The following GPR149 variants were observed in gnomAD, a reference collection of about 807,000 sequenced individuals.
GPR149 encodes the protein probable G protein-coupled receptor 149.
A neutral mutation model predicts 50.2 loss-of-function variants in GPR149; 50 were observed. The observed-to-expected ratio is 1.00, with a 90% confidence interval of 0.79 to 1.26. The LOEUF (loss-of-function observed/expected upper bound fraction) is 1.26, where lower values mean the gene tolerates loss of function less well. Ranked by LOEUF, GPR149 falls within the 50% of genes most tolerant of loss-of-function variation. GPR149 has a pLI of 0.00. For missense variants in GPR149, 983 were observed against 895.4 expected (o/e 1.10, Z -1.25); for synonymous variants, 405 against 358.2 (o/e 1.13, Z -1.48).
chr3:154,400,112 G>C (rs973319288), intron 3 of GPR149, among the ~76,000 whole-genome samples: 1 of 151,788 alleles, frequency 6.6e-6, no homozygotes, highest in Non-Finnish European at 1.5e-5. Flanking sequence ...TCAGCCTCCC[G>C]AGTAGCTGGG....
intron 3 of GPR149, among the ~76,000 whole-genome samples, chr3:154,345,431 G>T (rs1401097209): frequency 6.6e-6 from 1 of 152,156 alleles, no homozygotes; most frequent in Non-Finnish European, 1.5e-5. Flanking sequence ...GATTCCTTTT[G>T]TAATCTCTGC....
intron 3 of GPR149, among the ~76,000 whole-genome samples, chr3:154,356,866 A>G (rs933170354): frequency 6.6e-6 from 1 of 152,302 alleles, no homozygotes; most frequent in East Asian, 1.9e-4. Context: ...AAGGGCCCGC[A>G]TCGCCAAGTC....
chr3:154,425,989 T>A (rs1166013167), intron 2 of GPR149, among the ~76,000 whole-genome samples: 1 of 152,118 alleles, frequency 6.6e-6, no homozygotes. Flanking sequence ...CTTCTCACAA[T>A]TTTAGATGTT....
At chr3:154,358,380 T>C (rs958152761) in intron 3 of GPR149, among the ~76,000 whole-genome samples, 5 of 152,176 alleles carry the variant, frequency 3.3e-5, no homozygotes, top group Non-Finnish European at 5.9e-5. Flanking sequence ...ATTCTATGGC[T>C]ATTTTGGCAA....
At position 154,423,896 on chromosome 3, in the gene GPR149, C is replaced by T. The variant is rs145976054; in HGVS notation, c.1175-2409G>A. On this transcript the variant is annotated intron_variant, in intron 2 of 3. Coordinates refer to ENST00000389740, the MANE Select transcript of GPR149 (RefSeq NM_001038705.3). ...TAAGTTCTAGGGTACATGTGCACAACGTGCAGATTTGTTACATATGTATAC... is the reference window on the plus strand; with the variant it reads ...TAAGTTCTAGGGTACATGTGCACAATGTGCAGATTTGTTACATATGTATAC... Among the ~76,000 whole-genome samples the T allele has an allele frequency of 1.0e-2, 1,515 of 151,654 alleles. 13 individuals carry two copies. The highest frequency in any genetic ancestry group is 0.03 in the South Asian group (143 of 4,808).
In GPR149 at chr3:154,356,441, C is replaced by G. The variant is rs149042044; in HGVS notation, c.1624-18170G>C. ...GTATATCTAGAAATCCCCATCGTCT[C>G]AGCCCAAAATCTTCTTAAGCTGATA... On this transcript the variant is annotated intron_variant, in intron 3 of 3. Transcript: ENST00000389740. Among the ~76,000 whole-genome samples the G allele has an allele frequency of 3.0e-4, 46 of 152,282 alleles. No homozygotes were observed. In the East Asian group the frequency reaches 7.5e-3, roughly 25 times the overall value.
Position 154,401,666 on chromosome 3 carries a change from G to GA in GPR149, c.1623+19372dup, listed in dbSNP as rs201383120. Among the ~76,000 whole-genome samples, 416 of 150,404 alleles carry GA rather than the reference G, an allele frequency of 2.8e-3. 5 individuals are homozygous for GA. The highest frequency in any genetic ancestry group is 5.2e-3 in the Admixed American group (78 of 15,120). ...GAAGGCAAACTGGGGGGAAAAACAG[G>GA]AAAAAAAAACCTACATGTGAGTGTC... On this transcript the variant is annotated intron_variant, in intron 3 of 3. Coordinates refer to ENST00000389740, the MANE Select transcript of GPR149 (RefSeq NM_001038705.3).
chr3:154,343,980 C>A (rs146574430), intron 3 of GPR149, among the ~76,000 whole-genome samples: 2 of 151,268 alleles, frequency 1.3e-5, no homozygotes, highest in Non-Finnish European at 2.9e-5. Flanking sequence ...TTGTCCCCAC[C>A]GCCCCCCCAA....
intron 3 of GPR149, among the ~76,000 whole-genome samples, chr3:154,367,975 C>CA (rs1714579858): frequency 6.6e-6 from 1 of 152,224 alleles, no homozygotes; most frequent in Non-Finnish European, 1.5e-5. Context: ...GGACTAAAGA[C>CA]ACGGGTGTCA....
chr3:154,368,518 A>G (rs1049304461), intron 3 of GPR149, among the ~76,000 whole-genome samples: 1 of 152,180 alleles, frequency 6.6e-6, no homozygotes, highest in Admixed American at 6.5e-5. Flanking sequence ...ATTGCTTCCC[A>G]CATAGGTTTT....
In GPR149 at chr3:154,352,118, A is replaced by G. The variant is rs1351159140; in HGVS notation, c.1624-13847T>C. 7.3e-6 allele frequency: 5 copies of G among 688,034 alleles called. No individual in the cohort carries two copies. The Admixed American group carries it at 1.4e-4, about 20-fold the overall frequency. The allele number at this position is 688,034 out of a possible 1,614,324, so 42.6% of individuals were successfully genotyped here. A position where few individuals can be genotyped will look rare whatever the true frequency, so the allele number is the denominator to read the frequency against. On this transcript the variant is annotated intron_variant, in intron 3 of 3. Coordinates refer to ENST00000389740, the MANE Select transcript of GPR149 (RefSeq NM_001038705.3). ...CACAAATAGGCAAGTTCACACTGGT[A>G]GATTAAGTATCAAATATTCAGTCAA...
chr3:154,412,968 G>A (rs1711883224), intron 3 of GPR149, among the ~76,000 whole-genome samples: 1 of 152,030 alleles, frequency 6.6e-6, no homozygotes, highest in Non-Finnish European at 1.5e-5. Flanking sequence ...TAGACGAATG[G>A]AACAGAATAG....
chr3:154,345,416 A>G (rs1314107072), intron 3 of GPR149, among the ~76,000 whole-genome samples: 1 of 152,230 alleles, frequency 6.6e-6, no homozygotes, highest in Non-Finnish European at 1.5e-5. Context: ...CAGAGAGCAT[A>G]AAACGATTCC....
At chr3:154,375,570 T>C (rs977775176) in intron 3 of GPR149, among the ~76,000 whole-genome samples, 4 of 152,242 alleles carry the variant, frequency 2.6e-5, no homozygotes, top group Non-Finnish European at 5.9e-5. Context: ...TCATATTCCC[T>C]AGTTGCAGTC....
intron 3 of GPR149, among the ~76,000 whole-genome samples, chr3:154,380,517 T>C (rs1287939304): frequency 6.6e-6 from 1 of 152,174 alleles, no homozygotes. Flanking sequence ...TTCCTACATT[T>C]ATATGATTGC....
chr3:154,423,503 T>C (rs1470802551), intron 2 of GPR149, among the ~76,000 whole-genome samples: 2 of 151,852 alleles, frequency 1.3e-5, no homozygotes, highest in Non-Finnish European at 3.0e-5. Flanking sequence ...AATTATGAAG[T>C]GTAATCAATG....
intron 3 of GPR149, among the ~76,000 whole-genome samples, chr3:154,376,591 G>A (rs1387825443): frequency 6.6e-6 from 1 of 152,200 alleles, no homozygotes; most frequent in African/African-American, 2.4e-5. Flanking sequence ...ATATTTTGGA[G>A]GAATGGAAAA....
At chr3:154,404,873 T>TCATCAGCAG (rs60579531) in intron 3 of GPR149, among the ~76,000 whole-genome samples, 170 of 151,192 alleles carry the variant, frequency 1.1e-3, no homozygotes, top group Admixed American at 2.8e-3. Context: ...ATCATCATCA[T>TCATCAGCAG]CAGCAGCAGC....
At chr3:154,392,140 A>G (rs1715186141) in intron 3 of GPR149, among the ~76,000 whole-genome samples, 1 of 151,922 alleles carries the variant, frequency 6.6e-6, no homozygotes, top group Non-Finnish European at 1.5e-5. Context: ...TCTGAACAAC[A>G]GTATAGAACA....
Sources: gnomAD v4.1 joint callset for allele counts (sites outside exome capture counted in the v4.1 genomes callset) on GRCh38, gnomAD v4.1.1 for gene constraint, MANE v1.5 for transcripts, NCBI Gene and HGNC (gene_info 2026-07-23, HGNC 2026-07-21) for gene names.